MLLT10: variants seen among roughly 807,000 people sequenced by gnomAD.
MLLT10 encodes the protein MLLT10 histone lysine methyltransferase DOT1L cofactor.
MLLT10 carries 30 observed loss-of-function variants against 129.1 expected under a neutral mutation model. The observed-to-expected ratio is 0.23, with a 90% CI of 0.17 to 0.32. The LOEUF (loss-of-function observed/expected upper bound fraction) is 0.32, where lower values mean the gene tolerates loss of function less well. MLLT10 is among the 10% of genes least tolerant of loss of function. The pLI, the probability that MLLT10 is intolerant of heterozygous loss-of-function variation, is 1.00. For synonymous variants in MLLT10, 490 were observed against 446.4 expected (o/e 1.10, Z -1.23); for missense variants, 1,119 against 1,268.3 (o/e 0.88, Z 1.79).
chr10:21,554,164 C>T (rs532295596), intron 3 of MLLT10, among the ~76,000 whole-genome samples: 4 of 152,250 alleles, frequency 2.6e-5, no homozygotes, highest in African/African-American at 9.6e-5. Context: ...ATAATTTCCT[C>T]AGTTCTGCTT....
chr10:21,655,499 G>A (rs1370143577), intron 9 of MLLT10, among the ~76,000 whole-genome samples: 1 of 151,904 alleles, frequency 6.6e-6, no homozygotes, highest in African/African-American at 2.4e-5. Flanking sequence ...TAGTTTTCAC[G>A]TGTTATGAAA....
intron 2 of MLLT10, among the ~76,000 whole-genome samples, chr10:21,537,270 C>G (rs1484744656): frequency 2.6e-5 from 4 of 151,982 alleles, no homozygotes; most frequent in Non-Finnish European, 5.9e-5. Context: ...GTGGGTAGTA[C>G]TCTGTTTTGT....
intron 4 of MLLT10, among the ~76,000 whole-genome samples, chr10:21,587,142 G>A (rs960748881): frequency 6.6e-6 from 1 of 152,002 alleles, no homozygotes; most frequent in Non-Finnish European, 1.5e-5. Flanking sequence ...CCTGACACCT[G>A]TAATCCCAGC....
intron 7 of MLLT10, among the ~76,000 whole-genome samples, chr10:21,615,268 A>G (rs2045114680): frequency 6.6e-6 from 1 of 151,826 alleles, no homozygotes; most frequent in South Asian, 2.1e-4. Flanking sequence ...GACCAGCCTG[A>G]CCAGCATGGG....
chr10:21,538,033 C>G (rs528480846), intron 2 of MLLT10, among the ~76,000 whole-genome samples: 5 of 151,736 alleles, frequency 3.3e-5, no homozygotes, highest in African/African-American at 1.2e-4. Context: ...TAGGGTCTCC[C>G]TCTGTTGCCC....
chr10:21,645,376 T>C (rs546406828), intron 8 of MLLT10, among the ~76,000 whole-genome samples: 1 of 152,358 alleles, frequency 6.6e-6, no homozygotes, highest in African/African-American at 2.4e-5. Context: ...CTCTTAAGCA[T>C]TTTAAGATCC....
At chr10:21,603,830 T>TG (rs1290468489) in intron 5 of MLLT10, among the ~76,000 whole-genome samples, 1 of 151,610 alleles carries the variant, frequency 6.6e-6, no homozygotes, top group African/African-American at 2.4e-5. Flanking sequence ...TTTTTTTGTT[T>TG]TTTTTTTTTT....
intron 8 of MLLT10, chr10:21,624,607 A>G (rs2046241899): frequency 1.1e-5 from 16 of 1,398,352 alleles, no homozygotes; most frequent in African/African-American, 1.5e-5. Context: ...ACTGTTGCCC[A>G]TAAGTATCCT....
At chr10:21,658,517 G>C (rs1259351387) in intron 9 of MLLT10, among the ~76,000 whole-genome samples, 1 of 152,066 alleles carries the variant, frequency 6.6e-6, no homozygotes, top group Non-Finnish European at 1.5e-5. Context: ...TGGACATTCA[G>C]GTTGTTTTTA....
At chr10:21,553,652 TTTTC>T (rs944265601) in intron 3 of MLLT10, among the ~76,000 whole-genome samples, 3 of 150,534 alleles carry the variant, frequency 2.0e-5, no homozygotes, top group African/African-American at 7.4e-5. Flanking sequence ...TTCCTTTTCC[TTTTC>T]TTTTTTTTTT....
At chr10:21,605,803 T>C (rs2044003378) in intron 5 of MLLT10, among the ~76,000 whole-genome samples, 1 of 152,240 alleles carries the variant, frequency 6.6e-6, no homozygotes, top group Admixed American at 6.5e-5. Flanking sequence ...CTTACTATCT[T>C]TATCTTAACT....
At chr10:21,625,588 CT>C (rs1192769785) in intron 8 of MLLT10, 8 of 759,648 alleles carry the variant, frequency 1.1e-5, no homozygotes, top group East Asian at 2.5e-5. Flanking sequence ...CCCATTTCTT[CT>C]TTTTGTCATC....
In MLLT10 at chr10:21,534,729, T is replaced by C. The variant is rs1367027886; in HGVS notation, c.85T>C (p.Ser29Pro). The change falls in exon 2 of 23, where the codon TCA (serine) becomes CCA (proline). Residue 29 changes from serine (S) to proline (P), a missense_variant. This residue lies in a region of MLLT10 where 33 missense variants were observed against 76.9 expected (regional missense o/e 0.43). Transcript: ENST00000307729. ...KEMIGGCCVCSDERGWAENPL... is the reference protein window; with the variant it reads ...KEMIGGCCVCPDERGWAENPL... Reference sequence around the variant, plus strand: ...GATGATTGGAGGCTGTTGCGTTTGCTCAGACGAGAGAGGCTGGGCCGAGAA... The same window carrying C: ...GATGATTGGAGGCTGTTGCGTTTGCCCAGACGAGAGAGGCTGGGCCGAGAA... 1 of 1,613,346 alleles carries C rather than the reference T, an allele frequency of 6.2e-7. No individual in the cohort carries two copies. Among genetic ancestry groups the C allele is most frequent in the Non-Finnish European group, 8.5e-7 (1 of 1,179,526 alleles).
intron 3 of MLLT10, among the ~76,000 whole-genome samples, chr10:21,546,663 G>A (rs2036127842): frequency 6.6e-6 from 1 of 151,768 alleles, no homozygotes; most frequent in Non-Finnish European, 1.5e-5. Flanking sequence ...TGCCTCCTGG[G>A]TTCAAGTGAT....
intron 13 of MLLT10, among the ~76,000 whole-genome samples, chr10:21,694,933 A>C (rs1340667007): frequency 6.6e-6 from 1 of 152,068 alleles, no homozygotes; most frequent in Non-Finnish European, 1.5e-5. Context: ...GACCTTGCAC[A>C]TGCCCCTGCG....
At chr10:21,601,557 C>G (rs1278258433) in intron 5 of MLLT10, among the ~76,000 whole-genome samples, 3 of 152,140 alleles carry the variant, frequency 2.0e-5, no homozygotes, top group African/African-American at 7.2e-5. Context: ...TAGAGTCTTA[C>G]TCCATCACCC....
chr10:21,586,439 A>G, intron 4 of MLLT10, 91 bp downstream of exon 4: 1 of 1,008,818 alleles, frequency 9.9e-7, no homozygotes. Flanking sequence ...TATTTTATCA[A>G]ATTAAACAGC....
chr10:21,552,297 C>G (rs914391295), intron 3 of MLLT10, among the ~76,000 whole-genome samples: 3 of 150,048 alleles, frequency 2.0e-5, no homozygotes, highest in African/African-American at 7.4e-5. Flanking sequence ...TTTTTTTCCT[C>G]TGTGATTAAT....
At chr10:21,706,365 A>G (rs953047357) in intron 13 of MLLT10, among the ~76,000 whole-genome samples, 12 of 152,198 alleles carry the variant, frequency 7.9e-5, no homozygotes, top group African/African-American at 2.9e-4. Context: ...TATGTAAGTT[A>G]ATCCTTGCCC....
Sources: allele counts gnomAD v4.1 joint callset (sites outside exome capture counted in the v4.1 genomes callset), GRCh38; gene constraint gnomAD v4.1.1; regional missense constraint gnomAD v4.1.1; transcripts MANE v1.5; gene names NCBI Gene and HGNC (gene_info 2026-07-23, HGNC 2026-07-21).